Variants in SYT1 observed in about 807,000 individuals in gnomAD.
The protein encoded by SYT1 is synaptotagmin 1.
A neutral mutation model predicts 44.8 loss-of-function variants in SYT1; 8 were observed. That is an observed-to-expected ratio of 0.18 (90% confidence interval 0.10 to 0.32). SYT1 has a LOEUF of 0.32. Ranked by LOEUF, SYT1 falls within the 10% of genes least tolerant of loss-of-function variation. The probability of loss-of-function intolerance (pLI) is 1.00; values close to 1 mark genes in which losing one functional copy is unlikely to be tolerated. For missense variants in SYT1, 286 were observed against 509.3 expected, an observed-to-expected ratio of 0.56 and a Z score of 4.22; for synonymous variants, 154 against 188.8, an observed-to-expected ratio of 0.82 and a Z score of 1.51.
At chr12:79,095,987 A>C (rs968884173) in intron 3 of SYT1, among the ~76,000 whole-genome samples, 2 of 151,958 alleles carry the variant, frequency 1.3e-5, no homozygotes, top group African/African-American at 4.8e-5. Flanking sequence ...CAGGAAGGAT[A>C]GAGTCTTGGC....
intron 8 of SYT1, among the ~76,000 whole-genome samples, chr12:79,348,989 AAG>A (rs1397162514): frequency 3.4e-5 from 4 of 116,720 alleles, no homozygotes; most frequent in South Asian, 3.0e-4. Context: ...GGAAGAAAGA[AAG>A]AGAGAAGGAA....
intron 8 of SYT1, among the ~76,000 whole-genome samples, chr12:79,328,019 G>A (rs1881682983): frequency 6.6e-6 from 1 of 152,102 alleles, no homozygotes; most frequent in African/African-American, 2.4e-5. Context: ...CTCACATTTG[G>A]GAGGCAGGGA....
At chr12:79,440,874 A>C (rs1399122304) in intron 9 of SYT1, among the ~76,000 whole-genome samples, 1 of 152,194 alleles carries the variant, frequency 6.6e-6, no homozygotes, top group Non-Finnish European at 1.5e-5. Context: ...TATAGGAGCA[A>C]GGTCTAGATC....
intron 8 of SYT1, 58 bp from the exon 9 acceptor site, chr12:79,353,444 A>G (rs947000023): frequency 3.2e-6 from 4 of 1,268,538 alleles, no homozygotes; most frequent in African/African-American, 2.9e-5. Context: ...TATATATGTT[A>G]AAACTCTATT....
rs398040025 is a variant in SYT1, at chr12:79,424,953, C to CTTTTTT, written c.929-19106_929-19101dup. On this transcript the variant is annotated intron_variant, in intron 9 of 10. Coordinates refer to ENST00000261205, the MANE Select transcript of SYT1 (RefSeq NM_005639.3). ...TGTTTTGCTTTTGATTTTTCTTCTTCTTTTTTTTTTTTTTTTTTTGAGACA... is the reference window on the plus strand; with the variant it reads ...TGTTTTGCTTTTGATTTTTCTTCTTCTTTTTTTTTTTTTTTTTTTTTTTTTGAGACA... Among the ~76,000 whole-genome samples, 309 of 85,078 alleles carry CTTTTTT rather than the reference C, an allele frequency of 3.6e-3. 4 individuals are homozygous for CTTTTTT. The highest frequency in any genetic ancestry group is 0.012 in the South Asian group (30 of 2,566). The allele number at this position is 85,078 out of a possible 152,430, so 55.8% of individuals were successfully genotyped here. A position where few individuals can be genotyped will look rare whatever the true frequency, so the allele number is the denominator to read the frequency against.
chr12:78,908,021 A>C (rs1169847561), intron 1 of SYT1, among the ~76,000 whole-genome samples: 1 of 152,044 alleles, frequency 6.6e-6, no homozygotes, highest in Non-Finnish European at 1.5e-5. Flanking sequence ...TCACACTGAA[A>C]GTATGCAAAT....
chr12:79,212,944 TC>T (rs1391315480), intron 3 of SYT1, among the ~76,000 whole-genome samples: 1 of 152,168 alleles, frequency 6.6e-6, no homozygotes, highest in Non-Finnish European at 1.5e-5. Context: ...TTGAGAATTT[TC>T]TCCTTAAATA....
Position 79,120,939 on chromosome 12 carries a change from C to CTATATA in SYT1, c.-18+73586_-18+73591dup, listed in dbSNP as rs200621163. 7.0e-3 allele frequency among the ~76,000 whole-genome samples: 1,000 copies of CTATATA among 143,402 alleles called. 4 individuals carry two copies. The highest frequency in any genetic ancestry group is 0.025 in the East Asian group (127 of 4,982). The allele number at this position is 143,402 out of a possible 152,430, so 94.1% of individuals were successfully genotyped here. A position where few individuals can be genotyped will look rare whatever the true frequency, so the allele number is the denominator to read the frequency against. ...CACATATTTGTGTATGTATATATAT[C>CTATATA]TATATATATATATAGATATATATAC... On this transcript the variant is annotated intron_variant, in intron 3 of 10. Transcript: ENST00000261205.
rs143382678 is a variant in SYT1, at chr12:79,151,015, G to A, written c.-17-66488G>A. Among the ~76,000 whole-genome samples, 1,061 of 152,262 alleles carry A rather than the reference G, an allele frequency of 7.0e-3. 8 individuals carry two copies. The highest frequency in any genetic ancestry group is 0.017 in the Middle Eastern group (5 of 294). On this transcript the variant is annotated intron_variant, in intron 3 of 10. Transcript: ENST00000261205. ...AGAGCGACTCCTCGAGATAAGAAAG[G>A]GGAGCTAGTTTGTCAGGACCGTAAG...
intron 1 of SYT1, among the ~76,000 whole-genome samples, chr12:78,971,453 AAAG>A (rs1398370788): frequency 2.0e-5 from 3 of 152,152 alleles, no homozygotes; most frequent in Non-Finnish European, 4.4e-5. Flanking sequence ...ATAATAAAAA[AAAG>A]AGTAGATGCA....
In SYT1 at chr12:79,039,182, T is replaced by C. The variant is rs550334628; in HGVS notation, c.-83-8115T>C. Among the ~76,000 whole-genome samples, 12 of 152,134 alleles carry C rather than the reference T, an allele frequency of 7.9e-5. No homozygotes were observed. The South Asian group carries it at 2.5e-3, about 31-fold the overall frequency. Reference sequence around the variant, plus strand: ...GCAACAATAATCCCTAAATCTCAGATATATTTTCTCAATGTCAAGCCTGTT... The same window carrying C: ...GCAACAATAATCCCTAAATCTCAGACATATTTTCTCAATGTCAAGCCTGTT... On this transcript the variant is annotated intron_variant, in intron 2 of 10. Transcript: ENST00000261205.
intron 2 of SYT1, among the ~76,000 whole-genome samples, chr12:78,984,311 C>T (rs1000250688): frequency 3.3e-5 from 5 of 151,892 alleles, no homozygotes; most frequent in Admixed American, 2.0e-4. Context: ...TTTACCATTG[C>T]AGTATGCCAG....
In SYT1 at chr12:79,285,790, C is replaced by T. The variant is rs1879280645; in HGVS notation, c.170C>T (p.Pro57Leu). 1 of 1,599,942 alleles carries T rather than the reference C, an allele frequency of 6.3e-7. No homozygotes were observed. Among genetic ancestry groups the T allele is most frequent in the Admixed American group, 1.8e-5 (1 of 56,144 alleles). The part of the protein sequence containing the change: ...FMNELHKIPL[P>L]PWALIAIAIV... ...GCTCTCTGTGTGTTTCTTTCAGTGC[C>T]ACCGTGGGCCTTAATTGCAATAGCC... Residue 57 changes from proline to leucine, a missense_variant, in exon 5 of 11, where the codon CCA becomes CTA. Physicochemically the swap from Pro to Leu is moderately conservative, Grantham distance 98 (BLOSUM62 -3). This residue lies in a region of SYT1 where 141 missense variants were observed against 165.7 expected (regional missense o/e 0.85). Transcript: ENST00000261205.
chr12:79,418,558 T>C (rs1868901437), intron 9 of SYT1, among the ~76,000 whole-genome samples: 1 of 152,134 alleles, frequency 6.6e-6, no homozygotes, highest in African/African-American at 2.4e-5. Context: ...CCCCACTGCA[T>C]AGCACAGCCC....
rs1266676603 is a variant in SYT1, at chr12:79,286,850, G to A, written c.351+879G>A. 2.6e-5 allele frequency among the ~76,000 whole-genome samples: 4 copies of A among 151,602 alleles called. No individual in the cohort carries two copies. In the East Asian group the frequency reaches 7.8e-4, roughly 30 times the overall value. On this transcript the variant is annotated intron_variant, in intron 5 of 10. Transcript: ENST00000261205. ...TTTAAAATTAAAATGTAAATGTACA[G>A]ATTTTTTATAGAATTAACATTTTCA...
chr12:79,378,554 A>T (rs550382601), intron 9 of SYT1, among the ~76,000 whole-genome samples: 61 of 152,358 alleles, frequency 4.0e-4, no homozygotes, highest in African/African-American at 1.4e-3. Context: ...CATTAAAAAC[A>T]AATCTTGCTC....
rs536229578 is a variant in SYT1, at chr12:78,955,824, G to T, written c.-216-21975G>T. 2.1e-3 allele frequency among the ~76,000 whole-genome samples: 321 copies of T among 151,566 alleles called. 5 individuals carry two copies. Among genetic ancestry groups the T allele is most frequent in the Admixed American group, 0.019 (287 of 15,164 alleles). On this transcript the variant is annotated intron_variant, in intron 1 of 10. Transcript: ENST00000261205. ...TTTGTGTGTGTGTGTGTGTGTGTGT[G>T]TGTGTGTGTGTGTGCATGTAGAGAG...
chr12:79,349,039 A>AAGAAAGAAAGAAAGAAAGAAAGAAAG (rs1283893572), intron 8 of SYT1, among the ~76,000 whole-genome samples: 28 of 140,078 alleles, frequency 2.0e-4, no homozygotes, highest in East Asian at 1.1e-3. Flanking sequence ...AAGAAAAAGA[A>AAGAAAGAAAGAAAGAAAGAAAGAAAG]AGAAAGAAAG....
At chr12:79,199,931 C>G (rs540693876) in intron 3 of SYT1, among the ~76,000 whole-genome samples, 1 of 152,064 alleles carries the variant, frequency 6.6e-6, no homozygotes, top group African/African-American at 2.4e-5. Context: ...TTGATCCTTT[C>G]CCTTTCCCAA....
Sources: allele counts gnomAD v4.1 joint callset (sites outside exome capture counted in the v4.1 genomes callset), GRCh38; gene constraint gnomAD v4.1.1; regional missense constraint gnomAD v4.1.1; transcripts MANE v1.5; gene names NCBI Gene and HGNC (gene_info 2026-07-23, HGNC 2026-07-21).